LMF1: variants seen among roughly 807,000 people sequenced by gnomAD.
LMF1 encodes transmembrane protein 112.
In LMF1, 68 loss-of-function variants were observed where a neutral mutation model predicts 60.6. The observed-to-expected ratio is 1.12, with a 90% CI of 0.92 to 1.37. The LOEUF is 1.37. LMF1 is among the 40% of genes most tolerant of loss of function. The pLI is 0.00. For missense variants in LMF1, 948 were observed against 767.2 expected, an observed-to-expected ratio of 1.24 and a Z score of -2.78; for synonymous variants, 418 against 324.7, an observed-to-expected ratio of 1.29 and a Z score of -3.09.
chr16:909,263 G>A (rs969022775), intron 4 of LMF1, among the ~76,000 whole-genome samples: 7 of 152,154 alleles, frequency 4.6e-5, no homozygotes, highest in African/African-American at 1.2e-4. Flanking sequence ...AAAGGAGGGC[G>A]CTGGGGAAGA....
chr16:945,242 C>T (rs2072209915), intron 2 of LMF1, among the ~76,000 whole-genome samples: 1 of 128,898 alleles, frequency 7.8e-6, no homozygotes, highest in Non-Finnish European at 1.6e-5. Flanking sequence ...AAATATTTGG[C>T]TGGGCACGGT....
rs2069129941 is a variant in LMF1, at chr16:854,386, C to G, written c.*146G>C. The G allele has an allele frequency of 2.3e-6, 2 of 880,682 alleles. No individual in the cohort carries two copies. The highest frequency in any genetic ancestry group is 2.1e-5 in the Admixed American group (1 of 48,720). The allele number at this position is 880,682 out of a possible 1,614,324, so 54.6% of individuals were successfully genotyped here. A position where few individuals can be genotyped will look rare whatever the true frequency, so the allele number is the denominator to read the frequency against. ...ACAGTATGTGACAACAGACCCCACCCTGGACCCCCGTGCTGGGGGCTGGGT... is the reference window on the plus strand; with the variant it reads ...ACAGTATGTGACAACAGACCCCACCGTGGACCCCCGTGCTGGGGGCTGGGT... On this transcript the variant is annotated 3_prime_UTR_variant, in exon 11 of 11. Transcript: ENST00000262301.
At chr16:975,313 G>C (rs574044067), upstream of LMF1, among the ~76,000 whole-genome samples, 349 of 152,262 alleles carry the variant, frequency 2.3e-3, 2 homozygotes, top group African/African-American at 8.1e-3. Context: ...GTTAGGAAAC[G>C]AATGTGTAAT....
At chr16:950,181 G>C (rs2072405633) in intron 2 of LMF1, among the ~76,000 whole-genome samples, 1 of 104,262 alleles carries the variant, frequency 9.6e-6, no homozygotes, top group Non-Finnish European at 1.8e-5. Flanking sequence ...GACAGAGTCA[G>C]AGCCAACGAC....
intron 1 of LMF1, among the ~76,000 whole-genome samples, chr16:965,857 G>C (rs2072912747): frequency 6.6e-6 from 1 of 152,160 alleles, no homozygotes; most frequent in African/African-American, 2.4e-5. Context: ...GAGACCACCT[G>C]CTACGGGTCA....
At chr16:950,725 A>G (rs1283792839) in intron 2 of LMF1, among the ~76,000 whole-genome samples, 1 of 140,344 alleles carries the variant, frequency 7.1e-6, no homozygotes, top group Non-Finnish European at 1.5e-5. Flanking sequence ...AGTCAGAGCC[A>G]ACGACAGAGT....
chr16:933,865 AC>A, intron 3 of LMF1: 1 of 931,446 alleles, frequency 1.1e-6, no homozygotes, highest in Non-Finnish European at 1.4e-6. Flanking sequence ...CAAAGTGCCC[AC>A]CAGCGTGAGT....
rs115039691 is a variant in LMF1, at chr16:909,456, A to G, written c.663+1475T>C. Among the ~76,000 whole-genome samples, 631 of 152,304 alleles carry G rather than the reference A, an allele frequency of 4.1e-3. 4 individuals carry two copies. Among genetic ancestry groups the G allele is most frequent in the African/African-American group, 0.015 (619 of 41,562 alleles). On this transcript the variant is annotated intron_variant, in intron 4 of 10. Transcript: ENST00000262301. ...GCCACACAGAACCACGCTATGCGCTACAGCGAGCCACGCCACACAGAACCA... is the reference window on the plus strand; with the variant it reads ...GCCACACAGAACCACGCTATGCGCTGCAGCGAGCCACGCCACACAGAACCA...
chr16:955,019 T>G (rs200273139), intron 1 of LMF1, among the ~76,000 whole-genome samples: 554 of 40,752 alleles, frequency 0.014, 1 homozygote, highest in South Asian at 0.039. Flanking sequence ...CTGCAGCAGA[T>G]GCGGTGTGTG....
At chr16:859,111 T>C (rs1476439555) in intron 10 of LMF1, among the ~76,000 whole-genome samples, 1 of 122,698 alleles carries the variant, frequency 8.2e-6, no homozygotes, top group Non-Finnish European at 1.6e-5. Context: ...TGTGCAGTGA[T>C]GTCTCGGGAC....
rs565623319 is a variant in LMF1 at position 874,963 on chromosome 16, C to T, written c.898-3622G>A. On this transcript the variant is annotated intron_variant, in intron 6 of 10. Coordinates refer to ENST00000262301, the MANE Select transcript of LMF1 (RefSeq NM_022773.4). This position sits in a 1 kb window ranked among gnomAD's most constrained non-coding sequence, Gnocchi z 4.1. The stretch of plus-strand genomic sequence containing the variant: ...AAAAGCCCTAGTTCAAGACCCCACA[C>T]TGCCTGTGAGGGGGCAGGATACATC... Among the ~76,000 whole-genome samples, 132 of 152,334 alleles carry T rather than the reference C, an allele frequency of 8.7e-4. No homozygotes were observed. Among genetic ancestry groups the T allele is most frequent in the African/African-American group, 3.1e-3 (129 of 41,574 alleles).
chr16:963,504 T>C (rs1256988240), intron 1 of LMF1, among the ~76,000 whole-genome samples: 2 of 152,018 alleles, frequency 1.3e-5, no homozygotes, highest in African/African-American at 4.8e-5. Flanking sequence ...CGTGTGCACA[T>C]GTACACATGT....
At position 878,747 on chromosome 16, in the gene LMF1, G is replaced by C. The variant is rs868100592; in HGVS notation, c.897+823C>G. Among the ~76,000 whole-genome samples, 41 of 142,954 alleles carry C rather than the reference G, an allele frequency of 2.9e-4. No homozygotes were observed. The East Asian group carries it at 7.4e-3, about 26-fold the overall frequency. The allele number at this position is 142,954 out of a possible 152,430, so 93.8% of individuals were successfully genotyped here. ...GGGTGGGCAGGGCAGGGGAAGGGCG[G>C]GGGCAGGGGCGGGCAGGGCAGGGGA... On this transcript the variant is annotated intron_variant, in intron 6 of 10. Coordinates refer to ENST00000262301, the MANE Select transcript of LMF1 (RefSeq NM_022773.4). The surrounding 1 kb of genome is among the most constrained non-coding windows in gnomAD (Gnocchi z 5.2).
chr16:909,256 G>T (rs1027425967), intron 4 of LMF1, among the ~76,000 whole-genome samples: 1 of 152,192 alleles, frequency 6.6e-6, no homozygotes, highest in African/African-American at 2.4e-5. Flanking sequence ...GGAGGGAAAA[G>T]GAGGGCGCTG....
intron 1 of LMF1, chr16:976,490 G>A (rs1005544854): frequency 1.3e-5 from 6 of 453,972 alleles, no homozygotes; most frequent in African/African-American, 2.0e-5. Context: ...CTCCCTCGAC[G>A]GAAGGTGACG....
chr16:957,461 A>T (rs4984621), intron 1 of LMF1, among the ~76,000 whole-genome samples: 3 of 152,054 alleles, frequency 2.0e-5, no homozygotes, highest in East Asian at 1.9e-4. Flanking sequence ...AACTATATGA[A>T]GAGATAGACC....
chr16:939,854 G>A (rs1362901733), intron 2 of LMF1, among the ~76,000 whole-genome samples: 1 of 152,198 alleles, frequency 6.6e-6, no homozygotes, highest in Non-Finnish European at 1.5e-5. Context: ...TTAGAGAGAA[G>A]CCCTGGGCAG....
At chr16:951,815 A>G (rs575246568) in intron 2 of LMF1, among the ~76,000 whole-genome samples, 40 of 152,178 alleles carry the variant, frequency 2.6e-4, no homozygotes, top group Non-Finnish European at 4.9e-4. Flanking sequence ...GAAGGGAGAA[A>G]AAGCCACTTC....
intron 10 of LMF1, among the ~76,000 whole-genome samples, chr16:864,392 T>A (rs753533380): frequency 3.3e-5 from 5 of 152,250 alleles, no homozygotes; most frequent in Non-Finnish European, 5.9e-5. Flanking sequence ...GGAACCGCAC[T>A]GTGAGTGCCC....
Sources: allele counts gnomAD v4.1 joint callset (sites outside exome capture counted in the v4.1 genomes callset), GRCh38; gene constraint gnomAD v4.1.1; non-coding constraint Gnocchi (gnomAD v3.1); transcripts MANE v1.5; gene names NCBI Gene and HGNC (gene_info 2026-07-23, HGNC 2026-07-21).